The following MYO16 variants were observed in gnomAD, a reference collection of about 807,000 sequenced individuals.
MYO16 encodes the protein myosin XVI.
Under a neutral mutation model 205.3 loss-of-function variants are expected in MYO16, and 94 were observed. The observed-to-expected ratio is 0.46, with a 90% CI of 0.39 to 0.54. MYO16 has a LOEUF of 0.54. MYO16 is among the 20% of genes least tolerant of loss of function. The probability of loss-of-function intolerance (pLI) is 0.00; values close to 1 mark genes in which losing one functional copy is unlikely to be tolerated. For synonymous variants in MYO16, 988 were observed against 954.0 expected, an observed-to-expected ratio of 1.04 and a Z score of -0.66; for missense variants, 2,315 against 2,387.5, an observed-to-expected ratio of 0.97 and a Z score of 0.63.
At chr13:108,584,533 A>T in the MYO16 span, among the ~76,000 whole-genome samples, 1 of 152,108 alleles carries the variant, frequency 6.6e-6, no homozygotes, top group African/African-American at 2.4e-5. Context: ...TATTAATTAT[A>T]GTTACCCTAC....
At chr13:109,040,197 A>G (rs548922711) in intron 23 of MYO16, among the ~76,000 whole-genome samples, 1 of 152,264 alleles carries the variant, frequency 6.6e-6, no homozygotes, top group South Asian at 2.1e-4. Flanking sequence ...CTCTCAAAAA[A>G]GCTTCCTATT....
Position 109,199,408 on chromosome 13 carries a change from T to C in MYO16, c.5416-7201T>C, listed in dbSNP as rs113651410. Among the ~76,000 whole-genome samples, 822 of 151,264 alleles carry C rather than the reference T, an allele frequency of 5.4e-3. 10 individuals carry two copies. Among genetic ancestry groups the C allele is most frequent in the African/African-American group, 0.018 (761 of 41,270 alleles). ...AGCGTGAAGGTTTGCAGATGTGGAGTCCTTTGTACTTTCCCAGTCATAACA... is the reference window on the plus strand; with the variant it reads ...AGCGTGAAGGTTTGCAGATGTGGAGCCCTTTGTACTTTCCCAGTCATAACA... On this transcript the variant is annotated intron_variant, in intron 34 of 34. Transcript: ENST00000457511.
At chr13:108,677,152 G>T (rs939194993) in intron 2 of MYO16, among the ~76,000 whole-genome samples, 1 of 152,054 alleles carries the variant, frequency 6.6e-6, no homozygotes, top group Admixed American at 6.6e-5. Context: ...AGGAGGAGGG[G>T]ATTCAGGGAA....
At position 108,648,732 on chromosome 13, in the gene MYO16, A is replaced by G. The variant is rs367858278; in HGVS notation, c.29-17154A>G. Among the ~76,000 whole-genome samples, 291 of 152,220 alleles carry G rather than the reference A, an allele frequency of 1.9e-3. 8 individuals are homozygous for G. In the South Asian group the frequency reaches 0.059, roughly 31 times the overall value. On this transcript the variant is annotated intron_variant, in intron 1 of 34. Coordinates refer to ENST00000457511, the MANE Select transcript of MYO16 (RefSeq NM_001198950.3). ...TATGGATTTTTATATTACACGAGTC[A>G]CTTGGTTGCCACTGGCAGAAATCAA...
chr13:109,192,227 A>G (rs1369970026), intron 34 of MYO16, among the ~76,000 whole-genome samples: 3 of 152,256 alleles, frequency 2.0e-5, no homozygotes, highest in African/African-American at 4.8e-5. Context: ...CATGCAGTCA[A>G]TGATATAAAA....
At chr13:108,691,403 T>C (rs1039055875) in intron 2 of MYO16, among the ~76,000 whole-genome samples, 4 of 151,920 alleles carry the variant, frequency 2.6e-5, no homozygotes, top group Admixed American at 2.6e-4. Flanking sequence ...TGTGTGTCTG[T>C]GTGTGTGTTT....
In MYO16 at chr13:109,173,948, G is replaced by GC. The variant is rs201967173; in HGVS notation, c.5324-5594_5324-5593insC. ...CTGAAAGGGTTGTCCTTGTTTTGAT[G>GC]GGGGGGGGTACTCTCTGCTGTTTTG... On this transcript the variant is annotated intron_variant, in intron 33 of 34. Transcript: ENST00000457511. Among the ~76,000 whole-genome samples, 400 of 40,858 alleles carry GC rather than the reference G, an allele frequency of 9.8e-3. 14 individuals carry two copies. In the South Asian group the frequency reaches 0.12, roughly 12 times the overall value. The allele number at this position is 40,858 out of a possible 152,430, so 26.8% of individuals were successfully genotyped here.
chr13:109,055,193 G>C lies in MYO16; in HGVS notation c.3129+67G>C. ...ATAGCAACTAAAGAGGGTTTATGTAGACTTTTTTTTCCATTTTTGACAACT... is the reference window on the plus strand; with the variant it reads ...ATAGCAACTAAAGAGGGTTTATGTACACTTTTTTTTCCATTTTTGACAACT... On this transcript the variant is annotated intron_variant, in intron 26 of 34. Coordinates refer to ENST00000457511, the MANE Select transcript of MYO16 (RefSeq NM_001198950.3). The surrounding 1 kb of genome is among the most constrained non-coding windows in gnomAD (Gnocchi z 5.0). 1 of 1,348,662 alleles carries C rather than the reference G, an allele frequency of 7.4e-7. No homozygotes were observed. Among genetic ancestry groups the C allele is most frequent in the African/African-American group, 1.5e-5 (1 of 67,396 alleles). The allele number at this position is 1,348,662 out of a possible 1,614,324, so 83.5% of individuals were successfully genotyped here. A position where few individuals can be genotyped will look rare whatever the true frequency, so the allele number is the denominator to read the frequency against.
intron 1 of MYO16, among the ~76,000 whole-genome samples, chr13:108,616,906 C>T (rs192815764): frequency 6.6e-6 from 1 of 152,210 alleles, no homozygotes; most frequent in Admixed American, 6.5e-5. Flanking sequence ...AATTTCCTTT[C>T]ATTCTGGGGC....
At chr13:108,935,983 T>C (rs2139302335) in intron 16 of MYO16, among the ~76,000 whole-genome samples, 2 of 152,196 alleles carry the variant, frequency 1.3e-5, no homozygotes, top group East Asian at 3.9e-4. Flanking sequence ...ATGAAGCTTA[T>C]TTGATCATGG....
At chr13:109,020,852 A>G (rs751710664) in intron 23 of MYO16, among the ~76,000 whole-genome samples, 1 of 152,198 alleles carries the variant, frequency 6.6e-6, no homozygotes, top group East Asian at 1.9e-4. Flanking sequence ...CCTTATGACA[A>G]AGAAGGAGCA....
intron 22 of MYO16, among the ~76,000 whole-genome samples, chr13:109,017,607 C>G (rs912257964): frequency 6.6e-6 from 1 of 152,178 alleles, no homozygotes; most frequent in Non-Finnish European, 1.5e-5. Flanking sequence ...ACCAATCAAA[C>G]GTAGATTTGG....
At chr13:109,065,529 A>G (rs560216257) in intron 27 of MYO16, 20 of 437,092 alleles carry the variant, frequency 4.6e-5, no homozygotes, top group Non-Finnish European at 8.4e-5. Flanking sequence ...CCATGCTGAA[A>G]AAAAAAAAAA....
intron 1 of MYO16, among the ~76,000 whole-genome samples, chr13:108,654,357 T>G (rs1881148688): frequency 6.6e-6 from 1 of 152,216 alleles, no homozygotes; most frequent in Non-Finnish European, 1.5e-5. Flanking sequence ...TCTGATGGTT[T>G]TATCAGGGGT....
At chr13:108,876,212 A>G (rs1367625458) in intron 12 of MYO16, among the ~76,000 whole-genome samples, 1 of 152,218 alleles carries the variant, frequency 6.6e-6, no homozygotes, top group Admixed American at 6.5e-5. Flanking sequence ...TTAAAAATGA[A>G]AAAAGTTCAA....
intron 4 of MYO16, among the ~76,000 whole-genome samples, chr13:108,759,620 G>A (rs1202303388): frequency 2.0e-5 from 3 of 152,104 alleles, no homozygotes; most frequent in Non-Finnish European, 4.4e-5. Flanking sequence ...AGGAGATTGA[G>A]ACCATCCTGG....
chr13:108,789,648 G>A (rs1594295158), intron 5 of MYO16, among the ~76,000 whole-genome samples: 1 of 152,212 alleles, frequency 6.6e-6, no homozygotes, highest in African/African-American at 2.4e-5. Flanking sequence ...TCTGTTTGCT[G>A]GAACTACTTT....
At chr13:108,881,209 A>G (rs1879598638) in intron 12 of MYO16, among the ~76,000 whole-genome samples, 1 of 152,226 alleles carries the variant, frequency 6.6e-6, no homozygotes, top group Admixed American at 6.5e-5. Flanking sequence ...AAATTTCAAC[A>G]GACCTGCAGC....
At chr13:108,650,818 C>T (rs1001142455) in intron 1 of MYO16, among the ~76,000 whole-genome samples, 1 of 152,114 alleles carries the variant, frequency 6.6e-6, no homozygotes, top group Admixed American at 6.6e-5. Flanking sequence ...TAGGAAAAGA[C>T]AGGTTCTGGT....
Sources: allele counts gnomAD v4.1 joint callset (sites outside exome capture counted in the v4.1 genomes callset), GRCh38; gene constraint gnomAD v4.1.1; non-coding constraint Gnocchi (gnomAD v3.1); transcripts MANE v1.5; gene names NCBI Gene and HGNC (gene_info 2026-07-23, HGNC 2026-07-21).